Variants in ZNF709 observed in about 807,000 individuals in gnomAD.
ZNF709 encodes the protein zinc finger protein 709.
In ZNF709, 15 loss-of-function variants were observed where a neutral mutation model predicts 10.6. The observed-to-expected ratio is 1.41, with a 90% CI of 0.95 to 2.18. ZNF709 has a LOEUF of 2.18. Among genes scored for constraint, ZNF709 ranks in the 30% most tolerant of loss-of-function variants. The pLI, the probability that ZNF709 is intolerant of heterozygous loss-of-function variation, is 0.00. For synonymous variants in ZNF709, 194 were observed against 238.8 expected, an observed-to-expected ratio of 0.81 and a Z score of 1.73; for missense variants, 589 against 774.0, an observed-to-expected ratio of 0.76 and a Z score of 2.84.
chr19:12,462,748 T>C lies in ZNF709; in HGVS notation c.*1248A>G, dbSNP rs1970528432. 6.6e-6 allele frequency: 1 copy of C among 152,204 alleles called. No individual in the cohort carries two copies. The highest frequency in any genetic ancestry group is 1.5e-5 in the Non-Finnish European group (1 of 68,030). 9.4% of individuals were successfully genotyped at this position (152,204 alleles called of 1,614,324 possible). On this transcript the variant is annotated 3_prime_UTR_variant, in exon 4 of 4. Transcript: ENST00000397732. Reference sequence around the variant, plus strand: ...AAATTACCAAATTGTCATTTTTTGATGGCCCATTACAGCACAACTAAAAAA... The same window carrying C: ...AAATTACCAAATTGTCATTTTTTGACGGCCCATTACAGCACAACTAAAAAA...
intron 1 of ZNF709, among the ~76,000 whole-genome samples, chr19:12,468,359 T>C (rs1371750289): frequency 1.3e-5 from 2 of 152,114 alleles, no homozygotes; most frequent in Admixed American, 6.5e-5. Flanking sequence ...AGAAAAATTC[T>C]TCTGCCTTGG....
Position 12,479,987 on chromosome 19 carries a change from A to C in ZNF709, c.3+4668T>G, listed in dbSNP as rs544746654. On this transcript the variant is annotated intron_variant, in intron 1 of 3. Transcript: ENST00000397732. ...AGACCAATCTGGTCAAGAGAGTGAG[A>C]CCCTGTCTCTACAAAAAAGAATATA... Among the ~76,000 whole-genome samples, 60 of 152,098 alleles carry C rather than the reference A, an allele frequency of 3.9e-4. 1 individual carries two copies. The highest frequency in any genetic ancestry group is 1.4e-3 in the African/African-American group (59 of 41,488).
intron 1 of ZNF709, among the ~76,000 whole-genome samples, chr19:12,474,134 A>G (rs190643185): frequency 1.6e-3 from 246 of 152,366 alleles, no homozygotes; most frequent in African/African-American, 5.8e-3. Flanking sequence ...TATGCCATAT[A>G]GTAGATCTTC....
chr19:12,466,528 C>A lies in ZNF709; in HGVS notation c.131-9G>T. On this transcript the variant is annotated splice_polypyrimidine_tract_variant and intron_variant, in intron 2 of 3. Transcript: ENST00000397732. ...CTCCTCCCAGTTTTCCCCTAAAATG[C>A]AGGCCCAGAAAAATCATTAAACCTA... is the stretch of plus-strand genomic sequence containing the variant. The A allele has an allele frequency of 6.2e-7, 1 of 1,613,792 alleles. No individual in the cohort carries two copies. Among genetic ancestry groups the A allele is most frequent in the Non-Finnish European group, 8.5e-7 (1 of 1,179,934 alleles).
intron 3 of ZNF709, 33 bp downstream of exon 3, chr19:12,466,429 A>C: frequency 6.3e-7 from 1 of 1,588,938 alleles, no homozygotes. Context: ...ATTCTCTCAT[A>C]AGACAGTATT....
chr19:12,475,587 C>G (rs1200087081), intron 1 of ZNF709, among the ~76,000 whole-genome samples: 2 of 152,042 alleles, frequency 1.3e-5, no homozygotes, highest in East Asian at 3.9e-4. Context: ...TATAGGAAAC[C>G]TGCAGCTAAT....
chr19:12,475,257 TAAAA>T (rs71166684), intron 1 of ZNF709, among the ~76,000 whole-genome samples: 1 of 44,732 alleles, frequency 2.2e-5, no homozygotes, highest in Non-Finnish European at 4.3e-5. Flanking sequence ...GATTCCGTCT[TAAAA>T]AAAAAAAAAA....
In ZNF709 at chr19:12,482,946, A is replaced by C. The variant is rs565729814; in HGVS notation, c.3+1709T>G. ...GACCTGGACCACTACTGATATTTAC[A>C]TGAGACAAACCCTGTGTTTGAAGAA... On this transcript the variant is annotated intron_variant, in intron 1 of 3. Transcript: ENST00000397732. Among the ~76,000 whole-genome samples, 5 of 152,200 alleles carry C rather than the reference A, an allele frequency of 3.3e-5. No homozygotes were observed. In the South Asian group the frequency reaches 1.0e-3, roughly 32 times the overall value.
At chr19:12,468,997 T>G (rs1970610364) in intron 1 of ZNF709, among the ~76,000 whole-genome samples, 1 of 152,064 alleles carries the variant, frequency 6.6e-6, no homozygotes, top group African/African-American at 2.4e-5. Context: ...CCCGCCACTA[T>G]GCCCGGCTAA....
intron 1 of ZNF709, among the ~76,000 whole-genome samples, chr19:12,468,396 C>A (rs1207079931): frequency 2.0e-5 from 3 of 151,872 alleles, no homozygotes; most frequent in African/African-American, 7.3e-5. Flanking sequence ...GACCTTACCC[C>A]CAACCCTGTG....
intron 1 of ZNF709, among the ~76,000 whole-genome samples, chr19:12,471,060 C>T (rs1196672933): frequency 2.0e-5 from 3 of 152,004 alleles, no homozygotes; most frequent in South Asian, 4.2e-4. Context: ...CTACTTGATC[C>T]GCCCCCCAAA....
Position 12,465,283 on chromosome 19 carries a change from T to C in ZNF709, c.639A>G (p.Gly213=). 4 of 1,613,124 alleles carry C rather than the reference T, an allele frequency of 2.5e-6. No homozygotes were observed. The change falls in exon 4 of 4, where the codon GGA becomes GGG. Residue 213 remains glycine, a synonymous_variant. Coordinates refer to ENST00000397732, the MANE Select transcript of ZNF709 (RefSeq NM_152601.4). ...TCTCCCCTGTGTGCATTCTCATGTG[T>C]CCTCGAAAGGTTGTGTGATAAATGA... is the stretch of plus-strand genomic sequence containing the variant. ...KAFIYHTTFR[G]HMRMHTGEKP...
intron 1 of ZNF709, among the ~76,000 whole-genome samples, chr19:12,482,369 G>A (rs963385309): frequency 5.3e-5 from 8 of 152,100 alleles, no homozygotes; most frequent in Non-Finnish European, 1.0e-4. Context: ...TGGTGACAGA[G>A]GGCAGGGGCA....
At position 12,468,088 on chromosome 19, in the gene ZNF709, C is replaced by T. The variant is rs570138326; in HGVS notation, c.4-1238G>A. On this transcript the variant is annotated intron_variant, in intron 1 of 3. Coordinates refer to ENST00000397732, the MANE Select transcript of ZNF709 (RefSeq NM_152601.4). Reference sequence around the variant, plus strand: ...GAGGGAGGTGGGGGGTCAGCCCCCGCCCGGCCAGCCGCCCAGTCCAGGAGG... The same window carrying T: ...GAGGGAGGTGGGGGGTCAGCCCCCGTCCGGCCAGCCGCCCAGTCCAGGAGG... Among the ~76,000 whole-genome samples the T allele has an allele frequency of 5.0e-3, 754 of 150,110 alleles. 7 individuals are homozygous for T. Among genetic ancestry groups the T allele is most frequent in the Non-Finnish European group, 5.0e-3 (336 of 67,524 alleles).
At chr19:12,479,529 T>C (rs116697917) in intron 1 of ZNF709, among the ~76,000 whole-genome samples, 1,541 of 103,236 alleles carry the variant, frequency 0.015, 23 homozygotes, top group African/African-American at 0.051. Context: ...CAACTTACTT[T>C]TGCTTTTTAA....
Position 12,465,291 on chromosome 19 carries a change from A to T in ZNF709, c.631T>A (p.Phe211Ile). ...GTGTGCATTCTCATGTGTCCTCGAA[A>T]GGTTGTGTGATAAATGAAGGCCTTC... ...CGKAFIYHTT[F>I]RGHMRMHTGE... Residue 211 changes from phenylalanine (F) to isoleucine (I), a missense_variant, in exon 4 of 4, where the codon TTT (phenylalanine) becomes ATT (isoleucine). Coordinates refer to ENST00000397732, the MANE Select transcript of ZNF709 (RefSeq NM_152601.4). 1 of 1,612,600 alleles carries T rather than the reference A, an allele frequency of 6.2e-7. No homozygotes were observed. The highest frequency in any genetic ancestry group is 8.5e-7 in the Non-Finnish European group (1 of 1,179,488).
chr19:12,471,184 T>A (rs1476768815), intron 1 of ZNF709, among the ~76,000 whole-genome samples: 1 of 151,878 alleles, frequency 6.6e-6, no homozygotes, highest in Non-Finnish European at 1.5e-5. Flanking sequence ...GGAAAGAACA[T>A]TTAAAGGCTT....
chr19:12,482,839 G>T (rs970512969), intron 1 of ZNF709, among the ~76,000 whole-genome samples: 1 of 152,202 alleles, frequency 6.6e-6, no homozygotes, highest in African/African-American at 2.4e-5. Flanking sequence ...CTGGGCCTTC[G>T]ATTACATCCC....
Position 12,465,633 on chromosome 19 carries a change from T to A in ZNF709, c.289A>T (p.Thr97Ser), listed in dbSNP as rs746471677. The A allele has an allele frequency of 1.2e-6, 2 of 1,613,260 alleles. No homozygotes were observed. The highest frequency in any genetic ancestry group is 2.2e-5 in the South Asian group (2 of 90,736). The change falls in exon 4 of 4, where the codon ACT becomes TCT. Residue 97 changes from threonine to serine, a missense_variant. By Grantham distance (58) the Thr-to-Ser change is moderately conservative. This residue lies in a region of ZNF709 where 418 missense variants were observed against 496.3 expected (regional missense o/e 0.84). Transcript: ENST00000397732. ...CTACATTCATATGGTTTTACTCTAG[T>A]AAAAGTTTTCTTGTTTGGTTTAGGA... ...PNPKPNKKTF[T>S]RVKPYECSVC...
Sources: gnomAD v4.1 joint callset for allele counts (sites outside exome capture counted in the v4.1 genomes callset) on GRCh38, gnomAD v4.1.1 for gene constraint, gnomAD v4.1.1 regional missense constraint, MANE v1.5 for transcripts, NCBI Gene and HGNC (gene_info 2026-07-23, HGNC 2026-07-21) for gene names.